Variants in CEP164 observed in about 807,000 individuals in gnomAD.
CEP164 encodes the protein centrosomal protein of 164 kDa.
CEP164 carries 162 observed loss-of-function variants against 182.7 expected under a neutral mutation model. The observed-to-expected ratio is 0.89, with a 90% CI of 0.78 to 1.01. The LOEUF (loss-of-function observed/expected upper bound fraction) is 1.01, where lower values mean the gene tolerates loss of function less well. CEP164 is among the 50% of genes least tolerant of loss of function. CEP164 has a pLI of 0.00. For missense variants in CEP164, 1,735 were observed against 1,790.4 expected (o/e 0.97, Z 0.56); for synonymous variants, 661 against 690.0 (o/e 0.96, Z 0.66).
At chr11:117,390,582 G>A (rs930263673) in intron 15 of CEP164, among the ~76,000 whole-genome samples, 195 bp from the exon 16 acceptor site, 2 of 150,676 alleles carry the variant, frequency 1.3e-5, no homozygotes, top group Non-Finnish European at 2.9e-5. Context: ...GCTGCAGTAA[G>A]CCATGATCAC....
rs1483987108 is a variant in CEP164, at chr11:117,393,142, C to T, written c.2616+16C>T. 1.2e-6 allele frequency: 2 copies of T among 1,610,154 alleles called. No individual in the cohort carries two copies. The highest frequency in any genetic ancestry group is 1.7e-6 in the Non-Finnish European group (2 of 1,178,332). On this transcript the variant is annotated intron_variant, in intron 20 of 32. Transcript: ENST00000278935. ...TGAAGCTGAGGTAGCTCAGCCACAT[C>T]CCCTGCGCGCATGCACACACATGCA...
intron 27 of CEP164, among the ~76,000 whole-genome samples, chr11:117,404,598 A>T (rs1186564883): frequency 6.6e-6 from 1 of 152,196 alleles, no homozygotes; most frequent in Non-Finnish European, 1.5e-5. Context: ...GACCCCTGCT[A>T]GGCGGTGTCT....
intron 5 of CEP164, among the ~76,000 whole-genome samples, chr11:117,360,045 C>A (rs568482420): frequency 1.3e-5 from 2 of 152,330 alleles, no homozygotes; most frequent in South Asian, 4.1e-4. Context: ...TACTGCCCTT[C>A]GGCAAGGCTC....
Position 117,387,341 on chromosome 11 carries a change from G to A in CEP164, c.1863G>A (p.Leu621=), listed in dbSNP as rs775253337. Reference sequence around the variant, plus strand: ...CCAAGCAAGAGAAGATGCAGCAACTGCGGGAGAAGCTGTGCCAAGAGGAGG... The same window carrying A: ...CCAAGCAAGAGAAGATGCAGCAACTACGGGAGAAGCTGTGCCAAGAGGAGG... ...LESKQEKMQQ[L]REKLCQEEEE... Residue 621 remains leucine (L), a synonymous_variant, in exon 15 of 33, where the codon CTG becomes CTA. Transcript: ENST00000278935. The A allele has an allele frequency of 6.2e-7, 1 of 1,614,216 alleles. No individual in the cohort carries two copies. Among genetic ancestry groups the A allele is most frequent in the Non-Finnish European group, 8.5e-7 (1 of 1,180,044 alleles).
At chr11:117,389,938 C>CTTTT (rs34794541) in intron 15 of CEP164, among the ~76,000 whole-genome samples, 8 of 94,606 alleles carry the variant, frequency 8.5e-5, no homozygotes, top group South Asian at 7.1e-4. Flanking sequence ...CAGTAGTTTG[C>CTTTT]TTTTTTTTTT....
At chr11:117,356,860 T>C (rs1376178198) in intron 5 of CEP164, among the ~76,000 whole-genome samples, 1 of 152,148 alleles carries the variant, frequency 6.6e-6, no homozygotes, top group Non-Finnish European at 1.5e-5. Flanking sequence ...CTGGCTGTAA[T>C]TGTAATTCAT....
At chr11:117,373,063 G>C (rs184280175) in intron 9 of CEP164, among the ~76,000 whole-genome samples, 93 of 152,108 alleles carry the variant, frequency 6.1e-4, no homozygotes, top group African/African-American at 2.0e-3. Context: ...GATGATGAGG[G>C]AATTCATTTA....
At chr11:117,389,938 CTT>C (rs34794541) in intron 15 of CEP164, among the ~76,000 whole-genome samples, 6,067 of 94,654 alleles carry the variant, frequency 0.064, 133 homozygotes, top group Non-Finnish European at 0.08. Flanking sequence ...CAGTAGTTTG[CTT>C]TTTTTTTTTT....
intron 5 of CEP164, among the ~76,000 whole-genome samples, chr11:117,361,325 C>G (rs1293448062): frequency 6.9e-6 from 1 of 145,534 alleles, no homozygotes; most frequent in Non-Finnish European, 1.5e-5. Flanking sequence ...ACTGCAACCT[C>G]TGCCTCCCGG....
chr11:117,396,595 G>A lies in CEP164; in HGVS notation c.3262G>A (p.Asp1088Asn), dbSNP rs760736423. ...TTCTTCTCTCTCCCAGAGCAAGGAG[G>A]ACTTATACTTGGACAGGTGAGTTCC... is the stretch of plus-strand genomic sequence containing the variant. ...VSSSLSQSKE[D>N]LYLDSLSSHN... The change falls in exon 26 of 33, where the codon GAC becomes AAC. Residue 1088 changes from aspartate (D) to asparagine (N), a missense_variant. By Grantham distance (23) the Asp-to-Asn change is conservative. Coordinates refer to ENST00000278935, the MANE Select transcript of CEP164 (RefSeq NM_014956.5). The A allele has an allele frequency of 3.1e-6, 5 of 1,613,652 alleles. No homozygotes were observed. The Admixed American group carries it at 5.0e-5, about 16-fold the overall frequency.
intron 27 of CEP164, among the ~76,000 whole-genome samples, chr11:117,401,892 A>G (rs2046180491): frequency 1.3e-5 from 2 of 152,044 alleles, no homozygotes; most frequent in South Asian, 2.1e-4. Context: ...ATAGCAGTCT[A>G]TCTATTTTGC....
chr11:117,327,459 CT>C (rs760601571), upstream of CEP164, among the ~76,000 whole-genome samples: 2,917 of 122,602 alleles, frequency 0.024, 72 homozygotes, highest in African/African-American at 0.076. Flanking sequence ...TCGGGGTCCT[CT>C]TTTTTTTTTT....
intron 5 of CEP164, chr11:117,355,403 A>G (rs940197573): frequency 7.8e-7 from 1 of 1,289,740 alleles, no homozygotes; most frequent in African/African-American, 1.5e-5. Context: ...GGTAGAAAGC[A>G]GGAACCAGGC....
At chr11:117,400,672 T>C (rs1036360875) in intron 27 of CEP164, among the ~76,000 whole-genome samples, 10 of 152,214 alleles carry the variant, frequency 6.6e-5, no homozygotes, top group Non-Finnish European at 1.5e-4. Flanking sequence ...TGAGCAGTGG[T>C]TTGTAGTTCC....
intron 5 of CEP164, among the ~76,000 whole-genome samples, chr11:117,357,967 T>G (rs1463248301): frequency 1.3e-5 from 2 of 152,182 alleles, no homozygotes; most frequent in Non-Finnish European, 2.9e-5. Flanking sequence ...TATTCTTCAT[T>G]CAGAAGTCAA....
At chr11:117,334,215 C>T (rs1487022526) in intron 1 of CEP164, among the ~76,000 whole-genome samples, 1 of 152,106 alleles carries the variant, frequency 6.6e-6, no homozygotes, top group Non-Finnish European at 1.5e-5. Context: ...GGTAGGTGCC[C>T]AATAAATATT....
Position 117,382,925 on chromosome 11 carries a change from G to T in CEP164, c.1707G>T (p.Pro569=), listed in dbSNP as rs182370374. 1.2e-6 allele frequency: 2 copies of T among 1,612,396 alleles called. No homozygotes were observed. The highest frequency in any genetic ancestry group is 2.2e-5 in the East Asian group (1 of 44,858). ...AGAAGGTGGCGGTCAGCCCCACCCC[G>T]CCAGTCTCTCCAGAGGTGTAAGGGC... The part of the protein sequence containing the change: ...PEEKVAVSPT[P]PVSPEVRSTE... Residue 569 remains proline, a synonymous_variant, in exon 14 of 33, where the codon CCG becomes CCT. Transcript: ENST00000278935.
chr11:117,323,430 T>G (rs973388621), upstream of CEP164, among the ~76,000 whole-genome samples: 1 of 151,950 alleles, frequency 6.6e-6, no homozygotes, highest in African/African-American at 2.4e-5. Context: ...AGGATTCCAT[T>G]TTTTTTTATG....
rs1174929632 is a variant in CEP164, at chr11:117,336,319, G to A, written c.-22+639G>A. 2.4e-5 allele frequency: 36 copies of A among 1,488,446 alleles called. 1 individual carries two copies. Among genetic ancestry groups the A allele is most frequent in the African/African-American group, 8.3e-5 (6 of 72,324 alleles). 92.2% of individuals were successfully genotyped at this position (1,488,446 alleles called of 1,614,324 possible). A position where few individuals can be genotyped will look rare whatever the true frequency, so the allele number is the denominator to read the frequency against. On this transcript the variant is annotated intron_variant, in intron 2 of 32. Coordinates refer to ENST00000278935, the MANE Select transcript of CEP164 (RefSeq NM_014956.5). ...CATTTTATTCTGCATCTTCTTGTCC[G>A]CTGTCACTGCTGGTCTGACCATGCC...
Sources: allele counts gnomAD v4.1 joint callset (sites outside exome capture counted in the v4.1 genomes callset), GRCh38; gene constraint gnomAD v4.1.1; transcripts MANE v1.5; gene names NCBI Gene and HGNC (gene_info 2026-07-23, HGNC 2026-07-21).